Variants in THSD7B observed in about 807,000 individuals in gnomAD.
The protein encoded by THSD7B is thrombospondin type 1 domain containing 7B.
In THSD7B, 138 loss-of-function variants were observed where a neutral mutation model predicts 213.6. The ratio of observed to expected loss-of-function variants is 0.65; its 90% CI spans 0.56 to 0.74. The LOEUF (loss-of-function observed/expected upper bound fraction) is 0.74. Ranked by LOEUF, THSD7B falls within the 30% of genes least tolerant of loss-of-function variation. The probability of loss-of-function intolerance (pLI) is 0.00; values close to 1 mark genes in which losing one functional copy is unlikely to be tolerated. For missense variants in THSD7B, 1,931 were observed against 1,991.5 expected, an observed-to-expected ratio of 0.97 and a Z score of 0.58; for synonymous variants, 742 against 687.0, an observed-to-expected ratio of 1.08 and a Z score of -1.25.
At chr2:137,520,836 A>G (rs75704582) in intron 15 of THSD7B, among the ~76,000 whole-genome samples, 3,561 of 152,312 alleles carry the variant, frequency 0.023, 153 homozygotes, top group African/African-American at 0.082. Context: ...TGAAATTTCT[A>G]CAAATTACAT....
intron 7 of THSD7B, among the ~76,000 whole-genome samples, chr2:137,196,935 G>A (rs1198231773): frequency 1.3e-5 from 2 of 152,098 alleles, no homozygotes; most frequent in South Asian, 2.1e-4. Context: ...AATGCACAGC[G>A]GGCTCCTCCT....
At chr2:137,575,651 G>A (rs1247699169) in intron 17 of THSD7B, among the ~76,000 whole-genome samples, 1 of 150,884 alleles carries the variant, frequency 6.6e-6, no homozygotes. Flanking sequence ...AATTCAAGGA[G>A]GAATTTGAAG....
chr2:137,673,411 A>C (rs1011595790), intron 27 of THSD7B, among the ~76,000 whole-genome samples: 17 of 152,258 alleles, frequency 1.1e-4, no homozygotes, highest in African/African-American at 4.1e-4. Flanking sequence ...GAGAGAATAG[A>C]GTGATGGATT....
intron 20 of THSD7B, among the ~76,000 whole-genome samples, chr2:137,622,049 G>A (rs1682530067): frequency 6.6e-6 from 1 of 152,172 alleles, no homozygotes; most frequent in South Asian, 2.1e-4. Flanking sequence ...CCCCCAGGGA[G>A]GGCATTAATC....
chr2:137,548,456 C>T (rs1205756646), intron 15 of THSD7B, among the ~76,000 whole-genome samples: 1 of 151,886 alleles, frequency 6.6e-6, no homozygotes. Flanking sequence ...CTTTCTCAGC[C>T]CTTCCACACA....
rs191477666 is a variant in THSD7B at position 137,105,328 on chromosome 2, G to A, written c.1200-9796G>A. Among the ~76,000 whole-genome samples the A allele has an allele frequency of 1.2e-3, 189 of 152,156 alleles. 1 individual carries two copies. The highest frequency in any genetic ancestry group is 4.2e-3 in the African/African-American group (174 of 41,524). ...AAACCACATAATTATCTAGATAGAC[G>A]CAGAAAAGCCCTTCAATAAAATTCA... is the stretch of plus-strand genomic sequence containing the variant. On this transcript the variant is annotated intron_variant, in intron 4 of 27. Coordinates refer to ENST00000409968, the MANE Select transcript of THSD7B (RefSeq NM_001316349.2).
chr2:137,218,491 T>A (rs1359412371), intron 7 of THSD7B, among the ~76,000 whole-genome samples: 3 of 152,032 alleles, frequency 2.0e-5, no homozygotes, highest in Non-Finnish European at 4.4e-5. Flanking sequence ...AAATTGAGTG[T>A]TGTAATAACT....
intron 3 of THSD7B, among the ~76,000 whole-genome samples, chr2:137,071,281 T>C (rs1019867785): frequency 2.0e-5 from 3 of 152,194 alleles, no homozygotes; most frequent in African/African-American, 7.2e-5. Context: ...GGTGTTGTGG[T>C]TTTGATTTGC....
At chr2:137,074,393 G>T (rs528183126) in intron 3 of THSD7B, among the ~76,000 whole-genome samples, 2 of 152,002 alleles carry the variant, frequency 1.3e-5, no homozygotes, top group Non-Finnish European at 2.9e-5. Context: ...TTTTATCCGA[G>T]ACTAGGATTG....
intron 2 of THSD7B, among the ~76,000 whole-genome samples, chr2:136,963,350 G>A (rs576740888): frequency 5.3e-5 from 8 of 152,242 alleles, no homozygotes; most frequent in African/African-American, 9.6e-5. Flanking sequence ...CAGCAGAAAA[G>A]GGAAATTAAA....
chr2:136,949,010 G>A (rs1684990218), intron 2 of THSD7B, among the ~76,000 whole-genome samples: 1 of 152,286 alleles, frequency 6.6e-6, no homozygotes, highest in African/African-American at 2.4e-5. Context: ...GTCTCACTCT[G>A]TTTCCTAGGT....
intron 3 of THSD7B, among the ~76,000 whole-genome samples, chr2:137,062,707 T>C (rs1687300418): frequency 1.3e-5 from 2 of 151,808 alleles, no homozygotes; most frequent in Non-Finnish European, 2.9e-5. Context: ...TTTGTTAAGG[T>C]GTGTTTCATG....
chr2:137,006,255 C>T (rs540665719), intron 2 of THSD7B, among the ~76,000 whole-genome samples: 1 of 152,042 alleles, frequency 6.6e-6, no homozygotes, highest in African/African-American at 2.4e-5. Context: ...ATTAGCCAGG[C>T]GTGGTGGCAG....
intron 12 of THSD7B, among the ~76,000 whole-genome samples, chr2:137,300,928 C>T (rs965656381): frequency 2.0e-5 from 3 of 152,018 alleles, no homozygotes; most frequent in Non-Finnish European, 2.9e-5. Context: ...AAAATGGAAG[C>T]TCTAGAAACC....
At chr2:136,802,577 C>T (rs1282972952) in intron 1 of THSD7B, among the ~76,000 whole-genome samples, 2 of 144,042 alleles carry the variant, frequency 1.4e-5, no homozygotes, top group Admixed American at 7.2e-5. Flanking sequence ...TATGGTCCTT[C>T]AGGTATCCCT....
intron 16 of THSD7B, 60 bp downstream of exon 16, chr2:137,563,414 A>G: frequency 6.3e-7 from 1 of 1,588,982 alleles, no homozygotes; most frequent in South Asian, 1.1e-5. Context: ...CATTTTTTAT[A>G]AAAACAACAG....
chr2:137,202,446 T>C (rs1370243694), intron 7 of THSD7B, among the ~76,000 whole-genome samples: 1 of 151,412 alleles, frequency 6.6e-6, no homozygotes, highest in African/African-American at 2.4e-5. Flanking sequence ...GATGGCGAGG[T>C]GAAAAGAAAG....
At position 137,475,316 on chromosome 2, in the gene THSD7B, A is replaced by G. The variant is rs182535123; in HGVS notation, c.3138+24293A>G. Among the ~76,000 whole-genome samples the G allele has an allele frequency of 2.6e-5, 4 of 152,298 alleles. No homozygotes were observed. The East Asian group carries it at 7.7e-4, about 29-fold the overall frequency. Reference sequence around the variant, plus strand: ...AGGGTATCCATTGCCTCAAGTATTTATCATTTCTATGTGTTCGGAAACTTT... The same window carrying G: ...AGGGTATCCATTGCCTCAAGTATTTGTCATTTCTATGTGTTCGGAAACTTT... On this transcript the variant is annotated intron_variant, in intron 15 of 27. Coordinates refer to ENST00000409968, the MANE Select transcript of THSD7B (RefSeq NM_001316349.2).
At position 137,657,146 on chromosome 2, in the gene THSD7B, G is replaced by T; in HGVS notation, c.4361G>T (p.Gly1454Val). The T allele has an allele frequency of 6.2e-7, 1 of 1,613,986 alleles. No homozygotes were observed. The highest frequency in any genetic ancestry group is 8.5e-7 in the Non-Finnish European group (1 of 1,179,880). ...ACTGTATGGTGCCAGCGTTCAGATGGCGTTAATGTCACAGGTATTCCTGCC... is the reference window on the plus strand; with the variant it reads ...ACTGTATGGTGCCAGCGTTCAGATGTCGTTAATGTCACAGGTATTCCTGCC... ...ERTVWCQRSD[G>V]VNVTGGCSPQ... Residue 1454 changes from glycine to valine, a missense_variant, in exon 24 of 28, where the codon GGC becomes GTC. Transcript: ENST00000409968.
Sources: allele counts gnomAD v4.1 joint callset (sites outside exome capture counted in the v4.1 genomes callset), GRCh38; gene constraint gnomAD v4.1.1; transcripts MANE v1.5; gene names NCBI Gene and HGNC (gene_info 2026-07-23, HGNC 2026-07-21).